LRRC41: variants seen among roughly 807,000 people sequenced by gnomAD.
LRRC41 encodes leucine-rich repeat-containing protein 41.
LRRC41 carries 17 observed loss-of-function variants against 72.1 expected under a neutral mutation model. That is an observed-to-expected ratio of 0.24 (90% CI 0.16 to 0.35). The LOEUF is 0.35. Among genes scored for constraint, LRRC41 ranks in the 10% least tolerant of loss-of-function variants. The probability of loss-of-function intolerance (pLI) is 1.00; values close to 1 mark genes in which losing one functional copy is unlikely to be tolerated. For synonymous variants in LRRC41, 427 were observed against 431.0 expected (o/e 0.99, Z 0.11); for missense variants, 759 against 1,065.0 (o/e 0.71, Z 4.00).
chr1:46,303,211 A>G lies in LRRC41; in HGVS notation c.112T>C (p.Ser38Pro). 1 of 1,568,118 alleles carries G rather than the reference A, an allele frequency of 6.4e-7. No homozygotes were observed. The highest frequency in any genetic ancestry group is 8.6e-7 in the Non-Finnish European group (1 of 1,160,442). The change falls in exon 1 of 10, where the codon TCG becomes CCG. Residue 38 changes from serine (S) to proline (P), a missense_variant. By Grantham distance (74) the Ser-to-Pro change is moderately conservative (BLOSUM62 -1). Around this residue, in one of 4 missense-constraint regions of LRRC41, gnomAD observed 106 missense variants for 66.1 expected, o/e 1.60. Transcript: ENST00000617190. ...AGGGCGGGGGGAGCGTTGGGGCCCGAGGCCGAGCTCTTCGCTGGCGCCGCC... is the reference window on the plus strand; with the variant it reads ...AGGGCGGGGGGAGCGTTGGGGCCCGGGGCCGAGCTCTTCGCTGGCGCCGCC... ...REAAPAKSSA[S>P]GPNAPPALFE...
At chr1:46,301,759 C>A (rs1029606290) in intron 1 of LRRC41, among the ~76,000 whole-genome samples, 1 of 152,138 alleles carries the variant, frequency 6.6e-6, no homozygotes, top group East Asian at 1.9e-4. Flanking sequence ...AAAGACGCCA[C>A]GGCCACCCGC....
intron 4 of LRRC41, among the ~76,000 whole-genome samples, chr1:46,282,126 C>T (rs1028770931): frequency 6.6e-5 from 10 of 151,176 alleles, no homozygotes; most frequent in African/African-American, 2.2e-4. Flanking sequence ...ATGAATGAGA[C>T]GCTTGCTTGT....
chr1:46,302,982 T>C lies in LRRC41; in HGVS notation c.199+142A>G. 1.5e-6 allele frequency: 2 copies of C among 1,307,192 alleles called. No homozygotes were observed. Among genetic ancestry groups the C allele is most frequent in the Non-Finnish European group, 1.9e-6 (2 of 1,032,358 alleles). The allele number at this position is 1,307,192 out of a possible 1,614,324, so 81.0% of individuals were successfully genotyped here. The stretch of plus-strand genomic sequence containing the variant: ...TGTCCAGCCCTGTCAGTCACAAAAT[T>C]CATTCTCCGATCCTACGAGCTGGCT... On this transcript the variant is annotated intron_variant, in intron 1 of 9. Transcript: ENST00000617190. The surrounding 1 kb of genome is among the most constrained non-coding windows in gnomAD (Gnocchi z 4.7).
Position 46,285,237 on chromosome 1 carries a change from C to A in LRRC41, c.1495+125G>T, listed in dbSNP as rs576246040. The A allele has an allele frequency of 1.1e-6, 1 of 879,136 alleles. No individual in the cohort carries two copies. The highest frequency in any genetic ancestry group is 1.6e-5 in the South Asian group (1 of 64,494). 54.5% of individuals were successfully genotyped at this position (879,136 alleles called of 1,614,324 possible). The stretch of plus-strand genomic sequence containing the variant: ...ACAGTCTCCCCTGCTATGAGGCATA[C>A]AAGCCTTCCTCTCTAACCTCCTGAT... On this transcript the variant is annotated intron_variant, in intron 4 of 9. Transcript: ENST00000617190. This position sits in a 1 kb window ranked among gnomAD's most constrained non-coding sequence, Gnocchi z 5.3.
rs762985959 is a variant in LRRC41 at position 46,281,199 on chromosome 1, C to T, written c.1682G>A (p.Ser561Asn). The change falls in exon 5 of 10, where the codon AGC (serine) becomes AAC (asparagine). Residue 561 changes from serine to asparagine, a missense_variant. By Grantham distance (46) the Ser-to-Asn change is conservative. Transcript: ENST00000617190. Reference sequence around the variant, plus strand: ...TGGCACACCAGGGTTGTCCCGCTGGCTTGGGTGGTCAACACGAATAGAGAG... The same window carrying T: ...TGGCACACCAGGGTTGTCCCGCTGGTTTGGGTGGTCAACACGAATAGAGAG... ...RVLSIRVDHP[S>N]QRDNPGVPGN... The T allele has an allele frequency of 6.2e-7, 1 of 1,614,072 alleles. No individual in the cohort carries two copies. The highest frequency in any genetic ancestry group is 1.3e-5 in the African/African-American group (1 of 74,922).
In LRRC41 at chr1:46,302,591, C is replaced by T; in HGVS notation, c.199+533G>A. The T allele has an allele frequency of 2.0e-6, 2 of 985,390 alleles. No homozygotes were observed. The highest frequency in any genetic ancestry group is 2.4e-6 in the Non-Finnish European group (2 of 829,912). 61.0% of individuals were successfully genotyped at this position (985,390 alleles called of 1,614,324 possible). A position where few individuals can be genotyped will look rare whatever the true frequency, so the allele number is the denominator to read the frequency against. ...CTCTCCAATCTGCTGTCCTCCCCTC[C>T]GCCCATCGGCTTGGCCTCCGGAATC... On this transcript the variant is annotated intron_variant, in intron 1 of 9. Coordinates refer to ENST00000617190, the MANE Select transcript of LRRC41 (RefSeq NM_006369.5). This position sits in a 1 kb window ranked among gnomAD's most constrained non-coding sequence, Gnocchi z 4.7.
At chr1:46,292,690 T>C (rs565150713) in intron 3 of LRRC41, among the ~76,000 whole-genome samples, 20 of 152,234 alleles carry the variant, frequency 1.3e-4, no homozygotes, top group Non-Finnish European at 2.9e-5. Flanking sequence ...ACTGGGATAT[T>C]TGTCTTTTTA....
intron 3 of LRRC41, among the ~76,000 whole-genome samples, chr1:46,293,902 G>C (rs539469371): frequency 6.6e-6 from 1 of 151,806 alleles, no homozygotes; most frequent in South Asian, 2.1e-4. Context: ...TAATCCCAGA[G>C]TAGCTGGGAT....
At chr1:46,284,404 G>C (rs1660842865) in intron 4 of LRRC41, 1 of 152,148 alleles carries the variant, frequency 6.6e-6, no homozygotes, top group Admixed American at 6.6e-5. Flanking sequence ...AGGATTGTTA[G>C]ATCAAATTAT....
chr1:46,290,121 T>C (rs752225857), intron 3 of LRRC41, among the ~76,000 whole-genome samples: 3 of 152,094 alleles, frequency 2.0e-5, no homozygotes, highest in Non-Finnish European at 4.4e-5. Context: ...AAATGAAAAA[T>C]CATGGACGAG....
At position 46,302,351 on chromosome 1, in the gene LRRC41, C is replaced by T. The variant is rs1004281928; in HGVS notation, c.199+773G>A. 2.6e-5 allele frequency: 26 copies of T among 985,262 alleles called. No homozygotes were observed. The highest frequency in any genetic ancestry group is 3.1e-5 in the Non-Finnish European group (26 of 829,874). The allele number at this position is 985,262 out of a possible 1,614,324, so 61.0% of individuals were successfully genotyped here. ...GCTTGTTTAAGCCGCTCCGGGCCCCCCTCCACTCGCTCTCCGGTCCCTCCT... is the reference window on the plus strand; with the variant it reads ...GCTTGTTTAAGCCGCTCCGGGCCCCTCTCCACTCGCTCTCCGGTCCCTCCT... On this transcript the variant is annotated intron_variant, in intron 1 of 9. Transcript: ENST00000617190. This position sits in a 1 kb window ranked among gnomAD's most constrained non-coding sequence, Gnocchi z 4.7.
intron 3 of LRRC41, among the ~76,000 whole-genome samples, chr1:46,292,507 C>T (rs1299252216): frequency 1.3e-5 from 2 of 152,158 alleles, no homozygotes; most frequent in Non-Finnish European, 2.9e-5. Context: ...TCGCCATGGC[C>T]AAACCTAGGC....
At chr1:46,283,812 C>CG (rs1212894694) in intron 4 of LRRC41, among the ~76,000 whole-genome samples, 1 of 151,548 alleles carries the variant, frequency 6.6e-6, no homozygotes, top group African/African-American at 2.4e-5. Context: ...ATTACAGGCG[C>CG]CCACCATCAC....
At chr1:46,283,827 G>A (rs1253673797) in intron 4 of LRRC41, among the ~76,000 whole-genome samples, 1 of 151,900 alleles carries the variant, frequency 6.6e-6, no homozygotes, top group African/African-American at 2.4e-5. Flanking sequence ...CATCACGCCT[G>A]GCTAATTTTT....
At position 46,278,361 on chromosome 1, in the gene LRRC41, A is replaced by AT; in HGVS notation, c.*503dup. The AT allele has an allele frequency of 6.9e-7, 1 of 1,451,182 alleles. No homozygotes were observed. The highest frequency in any genetic ancestry group is 2.0e-5 in the Admixed American group (1 of 50,994). The allele number at this position is 1,451,182 out of a possible 1,614,324, so 89.9% of individuals were successfully genotyped here. On this transcript the variant is annotated 3_prime_UTR_variant, in exon 10 of 10. Transcript: ENST00000617190. ...TCCTTGCTCCACAGGGCCCTGTTGA[A>AT]TTTTGTTCTCTGGGAGAAAATCATC...
Position 46,278,669 on chromosome 1 carries a change from A to C in LRRC41, c.*196T>G. 1.6e-6 allele frequency: 1 copy of C among 629,384 alleles called. No individual in the cohort carries two copies. The highest frequency in any genetic ancestry group is 2.8e-6 in the Non-Finnish European group (1 of 362,526). 39.0% of individuals were successfully genotyped at this position (629,384 alleles called of 1,614,324 possible). A position where few individuals can be genotyped will look rare whatever the true frequency, so the allele number is the denominator to read the frequency against. ...CTGAGTAAGGGGCCCAAAGACTATA[A>C]ACCCAGCTGTGAGAATGCCTGTTTG... is the stretch of plus-strand genomic sequence containing the variant. On this transcript the variant is annotated 3_prime_UTR_variant, in exon 10 of 10. Coordinates refer to ENST00000617190, the MANE Select transcript of LRRC41 (RefSeq NM_006369.5).
Position 46,280,223 on chromosome 1 carries a change from C to A in LRRC41, c.1989G>T (p.Val663=), listed in dbSNP as rs764778628. 2 of 1,614,118 alleles carry A rather than the reference C, an allele frequency of 1.2e-6. No individual in the cohort carries two copies. Among genetic ancestry groups the A allele is most frequent in the Non-Finnish European group, 8.5e-7 (1 of 1,179,978 alleles). The change falls in exon 7 of 10, where the codon GTG becomes GTT. Residue 663 remains valine, a synonymous_variant. Transcript: ENST00000617190. ...DMNLADCQSE[V]LFLLQNLTLQ... Reference sequence around the variant, plus strand: ...GAGTCAGATTCTGTAGCAAAAAGAGCACCTCGCTCTGACAGTCAGCGAGAT... The same window carrying A: ...GAGTCAGATTCTGTAGCAAAAAGAGAACCTCGCTCTGACAGTCAGCGAGAT...
chr1:46,285,082 G>T lies in LRRC41; in HGVS notation c.1495+280C>A, dbSNP rs76717558. 8.0e-4 allele frequency: 385 copies of T among 479,280 alleles called. 3 individuals are homozygous for T. The East Asian group carries it at 0.012, about 15-fold the overall frequency. 29.7% of individuals were successfully genotyped at this position (479,280 alleles called of 1,614,324 possible). ...ACTATACTGCTCCCACCTGCCCTTGGACTGCCTTCCATATCTAAAATGTAT... is the reference window on the plus strand; with the variant it reads ...ACTATACTGCTCCCACCTGCCCTTGTACTGCCTTCCATATCTAAAATGTAT... On this transcript the variant is annotated intron_variant, in intron 4 of 9. Transcript: ENST00000617190. The surrounding 1 kb of genome is among the most constrained non-coding windows in gnomAD (Gnocchi z 5.3).
Position 46,277,672 on chromosome 1 carries a change from A to G in LRRC41, c.*1193T>C. 3.3e-6 allele frequency: 3 copies of G among 907,960 alleles called. No individual in the cohort carries two copies. Among genetic ancestry groups the G allele is most frequent in the South Asian group, 1.5e-5 (1 of 67,834 alleles). The allele number at this position is 907,960 out of a possible 1,614,324, so 56.2% of individuals were successfully genotyped here. A position where few individuals can be genotyped will look rare whatever the true frequency, so the allele number is the denominator to read the frequency against. On this transcript the variant is annotated 3_prime_UTR_variant, in exon 10 of 10. Transcript: ENST00000617190. ...CTGGGAAAATGGACCTCAGCTGAGT[A>G]GAGATAATGTTCTGGGACTCATACT... is the stretch of plus-strand genomic sequence containing the variant.
Sources: allele counts gnomAD v4.1 joint callset (sites outside exome capture counted in the v4.1 genomes callset), GRCh38; gene constraint gnomAD v4.1.1; regional missense constraint gnomAD v4.1.1; non-coding constraint Gnocchi (gnomAD v3.1); transcripts MANE v1.5; gene names NCBI Gene and HGNC (gene_info 2026-07-23, HGNC 2026-07-21).